NDST3: variants seen among roughly 807,000 people sequenced by gnomAD.
NDST3 encodes the protein N-deacetylase and N-sulfotransferase 3, also known as bifunctional heparan sulfate N-deacetylase/N-sulfotransferase 3.
NDST3 carries 58 observed loss-of-function variants against 96.1 expected under a neutral mutation model. The ratio of observed to expected loss-of-function variants is 0.60; its 90% CI spans 0.49 to 0.75. The LOEUF (loss-of-function observed/expected upper bound fraction) is 0.75. Among genes scored for constraint, NDST3 ranks in the 30% least tolerant of loss-of-function variants. The pLI, the probability that NDST3 is intolerant of heterozygous loss-of-function variation, is 0.00. For missense variants in NDST3, 788 were observed against 1,034.2 expected (o/e 0.76, Z 3.27); for synonymous variants, 333 against 359.7 (o/e 0.93, Z 0.84).
At chr4:118,228,980 T>C (rs1740090175) in intron 8 of NDST3, among the ~76,000 whole-genome samples, 1 of 152,240 alleles carries the variant, frequency 6.6e-6, no homozygotes, top group African/African-American at 2.4e-5. Flanking sequence ...ATTAAATAGC[T>C]TCATTTTTAA....
intron 2 of NDST3, among the ~76,000 whole-genome samples, chr4:118,072,243 G>GT (rs572598078): frequency 4.0e-5 from 6 of 151,556 alleles, no homozygotes; most frequent in South Asian, 2.1e-4. Flanking sequence ...GATTTTTAGA[G>GT]TTTTTTTTCT....
chr4:118,115,109 T>C (rs1730981436), intron 4 of NDST3, 149 bp downstream of exon 4: 2 of 767,876 alleles, frequency 2.6e-6, no homozygotes, highest in Admixed American at 5.5e-5. Context: ...AGTATGTGGC[T>C]CTTGAGTTTG....
chr4:118,231,242 A>G (rs1158755499), intron 8 of NDST3, among the ~76,000 whole-genome samples: 1 of 151,976 alleles, frequency 6.6e-6, no homozygotes, highest in Non-Finnish European at 1.5e-5. Flanking sequence ...AGGCTGAGGC[A>G]TGAGAATCGC....
chr4:118,218,927 T>G (rs988145547), intron 6 of NDST3, among the ~76,000 whole-genome samples: 9 of 152,108 alleles, frequency 5.9e-5, no homozygotes, highest in Admixed American at 3.3e-4. Context: ...AAATCATGAA[T>G]GAACTCCCAT....
chr4:118,179,307 T>C (rs1736456006), intron 6 of NDST3, among the ~76,000 whole-genome samples: 2 of 152,046 alleles, frequency 1.3e-5, no homozygotes, highest in Admixed American at 6.6e-5. Flanking sequence ...AATGAGTAAC[T>C]TCACATATTT....
At chr4:118,065,574 G>A (rs1375547039) in intron 2 of NDST3, among the ~76,000 whole-genome samples, 1 of 151,996 alleles carries the variant, frequency 6.6e-6, no homozygotes, top group Non-Finnish European at 1.5e-5. Context: ...AGACTGTTTT[G>A]AAAGCCAGTT....
chr4:118,170,469 G>C (rs1735863890), intron 6 of NDST3, among the ~76,000 whole-genome samples: 1 of 152,172 alleles, frequency 6.6e-6, no homozygotes, highest in Non-Finnish European at 1.5e-5. Context: ...AGCACTTTGG[G>C]AGGCAGACCC....
At position 118,042,332 on chromosome 4, in the gene NDST3, C is replaced by A. The variant is rs188336499; in HGVS notation, c.-156+7740C>A. 8.0e-4 allele frequency among the ~76,000 whole-genome samples: 122 copies of A among 152,112 alleles called. 1 individual carries two copies. The highest frequency in any genetic ancestry group is 2.9e-3 in the African/African-American group (119 of 41,488). The stretch of plus-strand genomic sequence containing the variant: ...TTCCCAAATATCTCTCATTTCCATT[C>A]TCTCTCAAAACCACCTTAGTCTGGA... On this transcript the variant is annotated intron_variant, in intron 1 of 13. Coordinates refer to ENST00000296499, the MANE Select transcript of NDST3 (RefSeq NM_004784.3).
At chr4:118,185,710 T>C (rs1299871480) in intron 6 of NDST3, among the ~76,000 whole-genome samples, 2 of 152,112 alleles carry the variant, frequency 1.3e-5, no homozygotes, top group Admixed American at 6.6e-5. Context: ...GCCAGATTGG[T>C]TGGTTACAGT....
intron 8 of NDST3, among the ~76,000 whole-genome samples, chr4:118,228,753 CCCA>C (rs1740076172): frequency 6.6e-6 from 1 of 152,064 alleles, no homozygotes; most frequent in Non-Finnish European, 1.5e-5. Flanking sequence ...CCCCCCGATC[CCCA>C]CCACATCCCC....
At chr4:118,106,395 G>T (rs1167854467) in intron 3 of NDST3, among the ~76,000 whole-genome samples, 1 of 151,878 alleles carries the variant, frequency 6.6e-6, no homozygotes, top group Non-Finnish European at 1.5e-5. Context: ...GCCCAGGATA[G>T]AGTGCAGTGG....
At chr4:118,162,148 T>A (rs965141366) in intron 6 of NDST3, among the ~76,000 whole-genome samples, 9 of 152,080 alleles carry the variant, frequency 5.9e-5, no homozygotes, top group Non-Finnish European at 5.9e-5. Flanking sequence ...GTAGGAAGAA[T>A]CAATATCATG....
At chr4:118,245,632 A>G (rs1317686851) in intron 12 of NDST3, among the ~76,000 whole-genome samples, 2 of 152,224 alleles carry the variant, frequency 1.3e-5, no homozygotes, top group Admixed American at 6.5e-5. Flanking sequence ...TAGTAGCCAC[A>G]GTAACTAAAA....
intron 1 of NDST3, among the ~76,000 whole-genome samples, chr4:118,047,318 T>C (rs911839203): frequency 6.6e-6 from 1 of 152,198 alleles, no homozygotes; most frequent in African/African-American, 2.4e-5. Context: ...GAAAGAATCA[T>C]GGTAAGACCT....
At chr4:118,230,711 T>G (rs1429760280) in intron 8 of NDST3, among the ~76,000 whole-genome samples, 1 of 152,240 alleles carries the variant, frequency 6.6e-6, no homozygotes, top group Non-Finnish European at 1.5e-5. Context: ...ACCACTGTTT[T>G]AAGGCAAGCT....
At position 118,066,173 on chromosome 4, in the gene NDST3, TTA is replaced by T. The variant is rs1280767139; in HGVS notation, c.981+11288_981+11289del. Among the ~76,000 whole-genome samples, 18 of 12,432 alleles carry T rather than the reference TTA, an allele frequency of 1.4e-3. No homozygotes were observed. In the East Asian group the frequency reaches 0.039, roughly 27 times the overall value. The allele number at this position is 12,432 out of a possible 152,430, so 8.2% of individuals were successfully genotyped here. A position where few individuals can be genotyped will look rare whatever the true frequency, so the allele number is the denominator to read the frequency against. On this transcript the variant is annotated intron_variant, in intron 2 of 13. Transcript: ENST00000296499. ...TATTATATATATTATATATTATATT[TTA>T]TATATTATATATCTTATATATTATA...
At chr4:118,094,632 C>G (rs1440967267) in intron 2 of NDST3, among the ~76,000 whole-genome samples, 1 of 151,812 alleles carries the variant, frequency 6.6e-6, no homozygotes, top group East Asian at 1.9e-4. Context: ...CTTTCCTCTT[C>G]TGACTAAGAA....
At chr4:118,077,067 G>C (rs1727607991) in intron 2 of NDST3, among the ~76,000 whole-genome samples, 1 of 152,196 alleles carries the variant, frequency 6.6e-6, no homozygotes, top group African/African-American at 2.4e-5. Flanking sequence ...GCTCAGTTCA[G>C]CAATCTTGGG....
intron 1 of NDST3, among the ~76,000 whole-genome samples, chr4:118,048,562 G>A (rs555978957): frequency 2.6e-5 from 4 of 152,126 alleles, no homozygotes; most frequent in South Asian, 4.1e-4. Context: ...AATATACAAA[G>A]ATCAGGAGTG....
Sources: allele counts gnomAD v4.1 joint callset (sites outside exome capture counted in the v4.1 genomes callset), GRCh38; gene constraint gnomAD v4.1.1; transcripts MANE v1.5; gene names NCBI Gene and HGNC (gene_info 2026-07-23, HGNC 2026-07-21).